Variants in HEATR5B observed in about 807,000 individuals in gnomAD.
HEATR5B encodes HEAT repeat containing 5B.
A neutral mutation model predicts 224.1 loss-of-function variants in HEATR5B; 156 were observed. The ratio of observed to expected loss-of-function variants is 0.70; its 90% CI spans 0.61 to 0.80. HEATR5B has a LOEUF of 0.80. Ranked by LOEUF, HEATR5B falls within the 30% of genes least tolerant of loss-of-function variation. The probability of loss-of-function intolerance (pLI) is 0.00; values close to 1 mark genes in which losing one functional copy is unlikely to be tolerated. For synonymous variants in HEATR5B, 1,027 were observed against 893.0 expected (o/e 1.15, Z -2.68); for missense variants, 2,323 against 2,535.5 (o/e 0.92, Z 1.80).
intron 23 of HEATR5B, 100 bp downstream of exon 23, chr2:37,028,581 C>A: frequency 1.2e-6 from 1 of 852,154 alleles, no homozygotes; most frequent in South Asian, 2.7e-5. Context: ...TTAAATAAAA[C>A]CTATAATTTA....
chr2:36,992,872 G>A (rs1431892595), intron 33 of HEATR5B, among the ~76,000 whole-genome samples: 1 of 151,326 alleles, frequency 6.6e-6, no homozygotes, highest in African/African-American at 2.4e-5. Context: ...CTACAGGCAT[G>A]CACCACCATG....
chr2:37,002,654 CA>C (rs1335659839), intron 31 of HEATR5B, 82 bp from the exon 32 acceptor site: 1 of 1,379,312 alleles, frequency 7.2e-7, no homozygotes, highest in Non-Finnish European at 9.9e-7. Flanking sequence ...GAAATTCCTT[CA>C]AAAGAATTTA....
At chr2:37,082,904 T>C (rs552760077) in intron 2 of HEATR5B, among the ~76,000 whole-genome samples, 2 of 150,668 alleles carry the variant, frequency 1.3e-5, no homozygotes, top group South Asian at 2.1e-4. Flanking sequence ...ATCAAGGCTA[T>C]GCAGGAAGAA....
rs547459039 is a variant in HEATR5B at position 37,031,402 on chromosome 2, A to G, written c.3361+1227T>C. On this transcript the variant is annotated intron_variant, in intron 22 of 35. Transcript: ENST00000233099. ...ATATATTTTGTAAATATTTTTCCCT[A>G]TCTTAGCTGTTTTTCTGTTTTTCTT... Among the ~76,000 whole-genome samples, 3 of 147,166 alleles carry G rather than the reference A, an allele frequency of 2.0e-5. 1 individual carries two copies. Among genetic ancestry groups the G allele is most frequent in the Admixed American group, 2.0e-4 (3 of 14,840 alleles).
Position 37,049,700 on chromosome 2 carries a change from A to T in HEATR5B, c.2649T>A (p.Val883=). Residue 883 remains valine (V), a synonymous_variant, in exon 18 of 36, where the codon GTT becomes GTA. Transcript: ENST00000233099. Reference sequence around the variant, plus strand: ...TTCTAGCAATAAAAGTTGCTTCTCCAACCACCTGAGCCATTCTTCCAAGAG... The same window carrying T: ...TTCTAGCAATAAAAGTTGCTTCTCCTACCACCTGAGCCATTCTTCCAAGAG... The part of the protein sequence containing the change: ...GEALGRMAQV[V]GEATFIARMA... 1 of 1,614,018 alleles carries T rather than the reference A, an allele frequency of 6.2e-7. No homozygotes were observed. The highest frequency in any genetic ancestry group is 8.5e-7 in the Non-Finnish European group (1 of 1,179,994).
In HEATR5B at chr2:37,020,729, T is replaced by C. The variant is rs1381045299; in HGVS notation, c.3961A>G (p.Ile1321Val). ...GGCACAGACGCAAACTTCTTGATAATGTCTTCAAGCGCCTGGAGCCCAGCC... is the reference window on the plus strand; with the variant it reads ...GGCACAGACGCAAACTTCTTGATAACGTCTTCAAGCGCCTGGAGCCCAGCC... ...RMAGLQALED[I>V]IKKFASVPEP... Residue 1321 changes from isoleucine to valine, a missense_variant, in exon 25 of 36, where the codon ATT becomes GTT. Ile to Val is a conservative substitution (Grantham distance 29, BLOSUM62 3). Around this residue, in one of 12 missense-constraint regions of HEATR5B, gnomAD observed 339 missense variants for 378.4 expected, o/e 0.90. Coordinates refer to ENST00000233099, the MANE Select transcript of HEATR5B (RefSeq NM_019024.3). The C allele has an allele frequency of 2.5e-6, 4 of 1,609,844 alleles. No individual in the cohort carries two copies. The highest frequency in any genetic ancestry group is 2.5e-6 in the Non-Finnish European group (3 of 1,179,212).
intron 16 of HEATR5B, 85 bp from the exon 17 acceptor site, chr2:37,053,692 A>G (rs1572897156): frequency 2.9e-6 from 2 of 678,392 alleles, no homozygotes; most frequent in East Asian, 5.8e-5. Context: ...GTACAAGTTA[A>G]TTGTTTAGCA....
intron 18 of HEATR5B, among the ~76,000 whole-genome samples, chr2:37,044,476 A>G (rs1670065585): frequency 6.6e-6 from 1 of 152,226 alleles, no homozygotes. Flanking sequence ...ACAATATTCC[A>G]TTTATGAATA....
At chr2:37,013,777 G>A in intron 27 of HEATR5B, 64 bp downstream of exon 27, 1 of 1,387,854 alleles carries the variant, frequency 7.2e-7, no homozygotes, top group Non-Finnish European at 9.7e-7. Context: ...AACAAGAGTA[G>A]AGGAACATTT....
intron 26 of HEATR5B, among the ~76,000 whole-genome samples, chr2:37,016,325 A>G (rs1449643056): frequency 2.0e-5 from 3 of 151,858 alleles, no homozygotes; most frequent in African/African-American, 7.3e-5. Flanking sequence ...GTTAGCCAGG[A>G]TGGTTTTGAT....
At chr2:37,080,414 G>A (rs985044623) in intron 2 of HEATR5B, among the ~76,000 whole-genome samples, 5 of 152,182 alleles carry the variant, frequency 3.3e-5, no homozygotes, top group African/African-American at 4.8e-5. Context: ...TAATCCAGAT[G>A]AGAGATAATA....
intron 21 of HEATR5B, among the ~76,000 whole-genome samples, chr2:37,037,205 G>C (rs1193124128): frequency 7.3e-6 from 1 of 137,742 alleles, no homozygotes; most frequent in East Asian, 2.3e-4. Flanking sequence ...GAATGCAGTG[G>C]TGCGATCTCG....
intron 26 of HEATR5B, among the ~76,000 whole-genome samples, chr2:37,019,200 T>G (rs1389217926): frequency 6.6e-6 from 1 of 151,982 alleles, no homozygotes; most frequent in East Asian, 1.9e-4. Flanking sequence ...GGTGGTTTTG[T>G]GAGTCTCTGC....
chr2:37,066,240 T>C (rs922717309), intron 8 of HEATR5B, among the ~76,000 whole-genome samples: 73 of 152,170 alleles, frequency 4.8e-4, no homozygotes, highest in Non-Finnish European at 1.2e-4. Flanking sequence ...ATTCCACTAG[T>C]TATATTAGTT....
At position 37,008,721 on chromosome 2, in the gene HEATR5B, G is replaced by T; in HGVS notation, c.4412C>A (p.Thr1471Lys). 6.2e-7 allele frequency: 1 copy of T among 1,613,678 alleles called. No individual in the cohort carries two copies. Among genetic ancestry groups the T allele is most frequent in the Non-Finnish European group, 8.5e-7 (1 of 1,179,632 alleles). Reference sequence around the variant, plus strand: ...TGTTGGTAGTTCAGGTTGTACCAGTGTTATTAAACTATCTGGTGGCAGTTC... The same window carrying T: ...TGTTGGTAGTTCAGGTTGTACCAGTTTTATTAAACTATCTGGTGGCAGTTC... The part of the protein sequence containing the change: ...IDELPPDSLI[T>K]LVQPELPTLS... Residue 1471 changes from threonine to lysine, a missense_variant, in exon 28 of 36, where the codon ACA becomes AAA. Coordinates refer to ENST00000233099, the MANE Select transcript of HEATR5B (RefSeq NM_019024.3).
intron 5 of HEATR5B, among the ~76,000 whole-genome samples, chr2:37,074,815 G>A (rs1360002118): frequency 1.3e-5 from 2 of 152,132 alleles, no homozygotes; most frequent in Admixed American, 6.5e-5. Context: ...TAGTCATCAC[G>A]GAAATGCAAA....
chr2:37,070,307 CT>C lies in HEATR5B; in HGVS notation c.849del (p.Gly284ValfsTer3), dbSNP rs1671830013. The C allele has an allele frequency of 1.2e-6, 2 of 1,614,116 alleles. No individual in the cohort carries two copies. Among genetic ancestry groups the C allele is most frequent in the Non-Finnish European group, 1.7e-6 (2 of 1,179,992 alleles). ...ATTTCTCCACCGCTCTTTAAGAAAC[CT>C]GACCCTCCACGCAGAAATCCTGTGG... ...LMATGFLRGG[S>X]GFLKSGGEML... On this transcript the variant is annotated frameshift_variant, in exon 7 of 36. Transcript: ENST00000233099. LOFTEE classifies it high-confidence loss of function.
At chr2:37,034,612 CAAAAAAAAA>C (rs772823865) in intron 21 of HEATR5B, among the ~76,000 whole-genome samples, 18 of 30,576 alleles carry the variant, frequency 5.9e-4, no homozygotes, top group East Asian at 2.6e-3. Context: ...GACTCTGTCT[CAAAAAAAAA>C]AAAAAAAAAA....
intron 18 of HEATR5B, among the ~76,000 whole-genome samples, chr2:37,043,582 T>C (rs1022565877): frequency 4.0e-5 from 6 of 150,174 alleles, no homozygotes; most frequent in Non-Finnish European, 8.9e-5. Context: ...TGGCTTCTTA[T>C]GACTTTTTTG....
Sources: allele counts gnomAD v4.1 joint callset (sites outside exome capture counted in the v4.1 genomes callset), GRCh38; gene constraint gnomAD v4.1.1; regional missense constraint gnomAD v4.1.1; transcripts MANE v1.5; gene names NCBI Gene and HGNC (gene_info 2026-07-23, HGNC 2026-07-21).